The following SLC35F1 variants were observed in gnomAD, a reference collection of about 807,000 sequenced individuals.
SLC35F1 encodes chromosome 6 open reading frame 169.
SLC35F1 carries 14 observed loss-of-function variants against 48.7 expected under a neutral mutation model. The observed-to-expected ratio is 0.29, with a 90% CI of 0.19 to 0.45. The LOEUF (loss-of-function observed/expected upper bound fraction) is 0.45. SLC35F1 is among the 20% of genes least tolerant of loss of function. SLC35F1 has a pLI of 1.00. For missense variants in SLC35F1, 404 were observed against 500.0 expected, an observed-to-expected ratio of 0.81 and a Z score of 1.83; for synonymous variants, 190 against 202.2, an observed-to-expected ratio of 0.94 and a Z score of 0.51.
At position 118,090,903 on chromosome 6, in the gene SLC35F1, T is replaced by C. The variant is rs548441225; in HGVS notation, c.174-63542T>C. ...TTGAAGTTCTCCAGACACAAGAAGA[T>C]GGTGGGCTTGGACCAGAGAGGGAAT... On this transcript the variant is annotated intron_variant, in intron 1 of 7. Transcript: ENST00000360388. 2.0e-5 allele frequency among the ~76,000 whole-genome samples: 3 copies of C among 152,148 alleles called. No individual in the cohort carries two copies. The South Asian group carries it at 6.2e-4, about 32-fold the overall frequency.
intron 2 of SLC35F1, among the ~76,000 whole-genome samples, chr6:118,230,194 G>T (rs149574770): frequency 0.015 from 2,239 of 152,120 alleles, 50 homozygotes; most frequent in African/African-American, 0.05. Flanking sequence ...ACAAAAATTA[G>T]CTGGGCATAG....
At chr6:118,004,689 G>A (rs903324283) in intron 1 of SLC35F1, among the ~76,000 whole-genome samples, 3 of 152,066 alleles carry the variant, frequency 2.0e-5, no homozygotes, top group African/African-American at 7.2e-5. Flanking sequence ...AGCCTCCTGA[G>A]TAGCTGAGAC....
At chr6:118,238,826 AGAG>A (rs1236779828) in intron 3 of SLC35F1, among the ~76,000 whole-genome samples, 4 of 152,210 alleles carry the variant, frequency 2.6e-5, no homozygotes, top group African/African-American at 9.7e-5. Flanking sequence ...AATCAATAGA[AGAG>A]GAGATTTCTC....
chr6:118,024,711 A>T (rs6900812), intron 1 of SLC35F1, among the ~76,000 whole-genome samples: 38,763 of 151,978 alleles, frequency 0.26, 5,207 homozygotes, highest in East Asian at 0.4. Context: ...TATTAAGGCA[A>T]TTATTTAAAA....
At chr6:118,216,086 G>GTT (rs869073333) in intron 2 of SLC35F1, among the ~76,000 whole-genome samples, 1 of 109,852 alleles carries the variant, frequency 9.1e-6, no homozygotes, top group Non-Finnish European at 1.9e-5. Context: ...TTTGTTTTTT[G>GTT]TTTTTTTTTT....
At chr6:118,118,766 G>C (rs1286344477) in intron 1 of SLC35F1, among the ~76,000 whole-genome samples, 2 of 152,102 alleles carry the variant, frequency 1.3e-5, no homozygotes, top group East Asian at 3.9e-4. Flanking sequence ...TTCAGGAAGG[G>C]ACAGGGCTGG....
chr6:118,182,134 A>G (rs1774585915), intron 2 of SLC35F1, among the ~76,000 whole-genome samples: 1 of 151,936 alleles, frequency 6.6e-6, no homozygotes, highest in Admixed American at 6.6e-5. Flanking sequence ...GGAGCTTAAG[A>G]AATTTAGTCA....
intron 1 of SLC35F1, among the ~76,000 whole-genome samples, chr6:117,948,887 C>T (rs1310315039): frequency 4.6e-5 from 7 of 151,830 alleles, no homozygotes; most frequent in African/African-American, 1.5e-4. Flanking sequence ...GGGACTAAGA[C>T]AGCAAAAGAT....
At chr6:118,030,477 T>C (rs1460761634) in intron 1 of SLC35F1, among the ~76,000 whole-genome samples, 2 of 152,178 alleles carry the variant, frequency 1.3e-5, no homozygotes. Context: ...GAGCAAAGCT[T>C]GATTCTGTGT....
chr6:118,253,662 G>A (rs1775604021), intron 3 of SLC35F1, among the ~76,000 whole-genome samples: 1 of 151,924 alleles, frequency 6.6e-6, no homozygotes, highest in Middle Eastern at 3.4e-3. Context: ...CAAAGAGGTA[G>A]GAGGGAAAAA....
At chr6:118,296,014 G>A (rs1429320401) in intron 7 of SLC35F1, among the ~76,000 whole-genome samples, 1 of 152,130 alleles carries the variant, frequency 6.6e-6, no homozygotes, top group African/African-American at 2.4e-5. Flanking sequence ...TAGCAGTGGG[G>A]AAGGGATGCA....
Position 118,007,326 on chromosome 6 carries a change from G to A in SLC35F1, c.173+99427G>A, listed in dbSNP as rs141346919. 1.4e-3 allele frequency among the ~76,000 whole-genome samples: 211 copies of A among 152,230 alleles called. 3 individuals carry two copies. In the East Asian group the frequency reaches 0.035, roughly 25 times the overall value. ...TTAAAGACCCCCACCTTTCAATACT[G>A]TCACATTGGGAATTAAATTTTAACA... On this transcript the variant is annotated intron_variant, in intron 1 of 7. Coordinates refer to ENST00000360388, the MANE Select transcript of SLC35F1 (RefSeq NM_001029858.4).
chr6:118,067,252 G>T (rs1417672880), intron 1 of SLC35F1, among the ~76,000 whole-genome samples: 1 of 152,112 alleles, frequency 6.6e-6, no homozygotes, highest in Non-Finnish European at 1.5e-5. Flanking sequence ...TAAAGTTGGG[G>T]AGGATATATT....
chr6:118,288,337 T>G (rs112945887), intron 7 of SLC35F1, among the ~76,000 whole-genome samples: 6 of 152,046 alleles, frequency 3.9e-5, no homozygotes, highest in African/African-American at 1.4e-4. Flanking sequence ...CCCAAGGAGG[T>G]TGGGGAACAG....
At chr6:118,288,389 A>C (rs1776077508) in intron 7 of SLC35F1, among the ~76,000 whole-genome samples, 1 of 152,192 alleles carries the variant, frequency 6.6e-6, no homozygotes, top group Non-Finnish European at 1.5e-5. Flanking sequence ...TACATCAATC[A>C]ATATATGTAA....
chr6:118,290,462 C>T (rs1776106900), intron 7 of SLC35F1, among the ~76,000 whole-genome samples: 1 of 151,446 alleles, frequency 6.6e-6, no homozygotes, highest in Non-Finnish European at 1.5e-5. Context: ...TGAATAAACA[C>T]TACCTTGTAT....
At chr6:118,294,102 A>C (rs956408723) in intron 7 of SLC35F1, among the ~76,000 whole-genome samples, 1 of 152,222 alleles carries the variant, frequency 6.6e-6, no homozygotes, top group African/African-American at 2.4e-5. Flanking sequence ...CTGCTTAAAC[A>C]TATGTTTCAG....
chr6:118,247,683 G>A (rs1026891060), intron 3 of SLC35F1, among the ~76,000 whole-genome samples: 1 of 147,516 alleles, frequency 6.8e-6, no homozygotes, highest in Admixed American at 6.6e-5. Context: ...CACTTCTGTA[G>A]TCCAGTATTA....
At chr6:118,301,705 C>G (rs1410931121) in intron 7 of SLC35F1, among the ~76,000 whole-genome samples, 3 of 152,146 alleles carry the variant, frequency 2.0e-5, no homozygotes, top group Admixed American at 1.3e-4. Context: ...AGTCAGCAAA[C>G]TTTTCCATGA....
Sources: gnomAD v4.1 joint callset for allele counts (sites outside exome capture counted in the v4.1 genomes callset) on GRCh38, gnomAD v4.1.1 for gene constraint, MANE v1.5 for transcripts, NCBI Gene and HGNC (gene_info 2026-07-23, HGNC 2026-07-21) for gene names.